The following TFDP2 variants were observed in gnomAD, a reference collection of about 807,000 sequenced individuals.
TFDP2 encodes the protein transcription factor Dp-2, also known as transcription factor Dp-2 (E2F dimerization partner 2).
Under a neutral mutation model 59.3 loss-of-function variants are expected in TFDP2, and 17 were observed. The ratio of observed to expected loss-of-function variants is 0.29; its 90% CI spans 0.20 to 0.43. The LOEUF is 0.43. TFDP2 is among the 20% of genes least tolerant of loss of function. TFDP2 has a pLI of 1.00. For synonymous variants in TFDP2, 180 were observed against 194.7 expected (o/e 0.92, Z 0.63); for missense variants, 391 against 528.8 (o/e 0.74, Z 2.56).
intron 3 of TFDP2, among the ~76,000 whole-genome samples, chr3:142,030,868 A>G (rs985279042): frequency 6.9e-5 from 10 of 145,494 alleles, no homozygotes; most frequent in South Asian, 6.5e-4. Flanking sequence ...TCAGCCTCCC[A>G]AGTAGCTGGG....
chr3:142,097,591 G>A (rs1472188120), intron 2 of TFDP2, among the ~76,000 whole-genome samples: 1 of 152,072 alleles, frequency 6.6e-6, no homozygotes, highest in Admixed American at 6.6e-5. Flanking sequence ...AGGCTGAGGT[G>A]GGAGCATCGC....
rs1315387396 is a variant in TFDP2, at chr3:141,999,967, C to A, written c.187-4826G>T. ...AGCCAGGATGGTCTCGATCTCCTGA[C>A]CTCGTGATCTGCCTGCCTGAGCCTC... is the stretch of plus-strand genomic sequence containing the variant. On this transcript the variant is annotated intron_variant, in intron 4 of 12. Transcript: ENST00000489671. Among the ~76,000 whole-genome samples the A allele has an allele frequency of 2.0e-5, 3 of 152,122 alleles. No individual in the cohort carries two copies. The East Asian group carries it at 5.8e-4, about 29-fold the overall frequency.
intron 1 of TFDP2, among the ~76,000 whole-genome samples, chr3:142,132,687 G>A (rs1326605199): frequency 6.8e-6 from 1 of 146,694 alleles, no homozygotes; most frequent in Admixed American, 6.7e-5. Flanking sequence ...AGAGGTTGCA[G>A]TGAGCCAAGA....
In TFDP2 at chr3:142,000,416, C is replaced by T. The variant is rs904126325; in HGVS notation, c.186+5025G>A. ...CTCTTTTATAAGGGCACTAATTCCA[C>T]TCATAAGGGTGAAGCCCTCATGACT... On this transcript the variant is annotated intron_variant, in intron 4 of 12. Transcript: ENST00000489671. 2.5e-5 allele frequency: 16 copies of T among 644,686 alleles called. No homozygotes were observed. The South Asian group carries it at 2.8e-4, about 11-fold the overall frequency. 39.9% of individuals were successfully genotyped at this position (644,686 alleles called of 1,614,324 possible).
chr3:142,141,828 A>G (rs2062974658), intron 1 of TFDP2, among the ~76,000 whole-genome samples: 1 of 152,110 alleles, frequency 6.6e-6, no homozygotes, highest in African/African-American at 2.4e-5. Flanking sequence ...GTCTCAAGAA[A>G]AAAAAAAAGT....
intron 1 of TFDP2, among the ~76,000 whole-genome samples, chr3:142,146,087 A>C (rs2063163130): frequency 6.6e-6 from 1 of 152,252 alleles, no homozygotes; most frequent in Non-Finnish European, 1.5e-5. Context: ...GCATGAAAGC[A>C]ATGCCAAAAT....
At chr3:142,026,151 T>G (rs993031940) in intron 3 of TFDP2, among the ~76,000 whole-genome samples, 1 of 151,852 alleles carries the variant, frequency 6.6e-6, no homozygotes, top group Non-Finnish European at 1.5e-5. Context: ...GTCAGGAGAT[T>G]GAGACCATCC....
chr3:142,136,472 G>A (rs1271902803), intron 1 of TFDP2, among the ~76,000 whole-genome samples: 4 of 151,988 alleles, frequency 2.6e-5, no homozygotes, highest in Non-Finnish European at 1.5e-5. Context: ...TGCTTTTGGT[G>A]TTTTAGTCAT....
chr3:142,134,597 G>A (rs574965785), intron 1 of TFDP2, among the ~76,000 whole-genome samples: 8 of 152,028 alleles, frequency 5.3e-5, no homozygotes, highest in Admixed American at 1.3e-4. Context: ...ATTTTTAAAA[G>A]GCAGAAAATG....
chr3:142,109,075 T>TG (rs2061565878), intron 1 of TFDP2, among the ~76,000 whole-genome samples: 1 of 152,250 alleles, frequency 6.6e-6, no homozygotes, highest in Non-Finnish European at 1.5e-5. Context: ...AATCAGATTG[T>TG]GGTCTGTCTC....
chr3:142,126,314 G>A (rs2062250024), intron 1 of TFDP2: 1 of 151,804 alleles, frequency 6.6e-6, no homozygotes, highest in African/African-American at 2.4e-5. Flanking sequence ...GAGTAGCTGG[G>A]ACTACACATT....
At chr3:142,115,214 TAAAGAA>T (rs2061808432) in intron 1 of TFDP2, among the ~76,000 whole-genome samples, 1 of 151,998 alleles carries the variant, frequency 6.6e-6, no homozygotes, top group South Asian at 2.1e-4. Flanking sequence ...TCCATACAGA[TAAAGAA>T]AATCTCCGCA....
intron 11 of TFDP2, among the ~76,000 whole-genome samples, chr3:141,953,730 G>A (rs945799219): frequency 1.1e-4 from 16 of 150,792 alleles, no homozygotes; most frequent in South Asian, 4.2e-4. Context: ...GTGCTGCACC[G>A]ATTAACTCGT....
At chr3:141,987,483 A>G in intron 6 of TFDP2, among the ~76,000 whole-genome samples, 1 of 150,530 alleles carries the variant, frequency 6.6e-6, no homozygotes, top group South Asian at 2.1e-4. Flanking sequence ...GGGTTTCACC[A>G]TGTTGCCCAG....
intron 6 of TFDP2, among the ~76,000 whole-genome samples, chr3:141,985,087 T>C (rs1396073439): frequency 6.6e-6 from 1 of 152,096 alleles, no homozygotes; most frequent in Non-Finnish European, 1.5e-5. Flanking sequence ...TTGAAAAAAA[T>C]AGTTCAGGAT....
At chr3:142,133,545 T>C (rs115315667) in intron 1 of TFDP2, among the ~76,000 whole-genome samples, 2,950 of 144,008 alleles carry the variant, frequency 0.02, 100 homozygotes, top group Non-Finnish European at 0.027. Flanking sequence ...TTGCCCAGGC[T>C]GGAGTACAGT....
intron 3 of TFDP2, among the ~76,000 whole-genome samples, chr3:142,091,566 CA>C (rs60396286): frequency 1.3e-5 from 2 of 150,166 alleles, no homozygotes; most frequent in Non-Finnish European, 1.5e-5. Context: ...ACTCTGCCAC[CA>C]AAAAAAAAAT....
chr3:142,005,611 C>T, intron 3 of TFDP2, 67 bp from the exon 4 acceptor site: 1 of 1,016,840 alleles, frequency 9.8e-7, no homozygotes, highest in South Asian at 1.5e-5. Flanking sequence ...GCTATATACA[C>T]ACCCATGGTC....
In TFDP2 at chr3:142,093,194, T is replaced by C. The variant is rs2061054365; in HGVS notation, c.16-67A>G. ...TAGTATGTGTTCACTTAACAAGCTA[T>C]TTTATATCTTCCATCAGACATCCAT... On this transcript the variant is annotated intron_variant, in intron 2 of 12. Transcript: ENST00000489671. 2.9e-6 allele frequency: 3 copies of C among 1,043,918 alleles called. No homozygotes were observed. In the South Asian group the frequency reaches 5.0e-5, roughly 17 times the overall value. 64.7% of individuals were successfully genotyped at this position (1,043,918 alleles called of 1,614,324 possible).
Sources: allele counts gnomAD v4.1 joint callset (sites outside exome capture counted in the v4.1 genomes callset), GRCh38; gene constraint gnomAD v4.1.1; transcripts MANE v1.5; gene names NCBI Gene and HGNC (gene_info 2026-07-23, HGNC 2026-07-21).